Variants in MYO1G observed in about 807,000 individuals in gnomAD.
The protein encoded by MYO1G is unconventional myosin-Ig.
MYO1G carries 65 observed loss-of-function variants against 115.3 expected under a neutral mutation model. The ratio of observed to expected loss-of-function variants is 0.56; its 90% CI spans 0.46 to 0.69. MYO1G has a LOEUF of 0.69. Ranked by LOEUF, MYO1G falls within the 30% of genes least tolerant of loss-of-function variation. MYO1G has a pLI of 0.00. For missense variants in MYO1G, 1,204 were observed against 1,393.5 expected (o/e 0.86, Z 2.16); for synonymous variants, 510 against 552.6 (o/e 0.92, Z 1.08).
intron 5 of MYO1G, chr7:44,972,833 G>C (rs1794983577): frequency 6.5e-6 from 1 of 152,876 alleles, no homozygotes; most frequent in African/African-American, 2.4e-5. Context: ...GGAGCTCAGA[G>C]TCCATGGAGA....
Position 44,964,208 on chromosome 7 carries a change from C to T in MYO1G, c.2632-46G>A. ...CCCAGGCTGGTGCTGCCCTGTCACC[C>T]ACCAGGGCCCCAGGCTTCGGCAGTC... On this transcript the variant is annotated intron_variant, in intron 19 of 21. Coordinates refer to ENST00000258787, the MANE Select transcript of MYO1G (RefSeq NM_033054.3). The surrounding 1 kb of genome is among the most constrained non-coding windows in gnomAD (Gnocchi z 5.1). 1 of 1,510,012 alleles carries T rather than the reference C, an allele frequency of 6.6e-7. No homozygotes were observed. The highest frequency in any genetic ancestry group is 1.2e-5 in the South Asian group (1 of 84,638). The allele number at this position is 1,510,012 out of a possible 1,614,324, so 93.5% of individuals were successfully genotyped here.
At position 44,969,369 on chromosome 7, in the gene MYO1G, T is replaced by C. The variant is rs756388010; in HGVS notation, c.1574+44A>G. 2 of 1,598,564 alleles carry C rather than the reference T, an allele frequency of 1.3e-6. No individual in the cohort carries two copies. Among genetic ancestry groups the C allele is most frequent in the South Asian group, 2.2e-5 (2 of 90,796 alleles). On this transcript the variant is annotated intron_variant, in intron 12 of 21. Transcript: ENST00000258787. The surrounding 1 kb of genome is among the most constrained non-coding windows in gnomAD (Gnocchi z 5.0). ...TCCTGCCCCATGACACATGCCATGG[T>C]GCCTGTGGGAAAGCCAGGGATGTGG...
chr7:44,974,845 A>G (rs1795019021), intron 5 of MYO1G: 2 of 415,698 alleles, frequency 4.8e-6, no homozygotes. Flanking sequence ...CACTAGAGAC[A>G]CTGCCTGTAA....
In MYO1G at chr7:44,966,441, C is replaced by A; in HGVS notation, c.1950-161G>T. 1.2e-6 allele frequency: 1 copy of A among 817,190 alleles called. No individual in the cohort carries two copies. Among genetic ancestry groups the A allele is most frequent in the Non-Finnish European group, 2.0e-6 (1 of 490,100 alleles). 50.6% of individuals were successfully genotyped at this position (817,190 alleles called of 1,614,324 possible). A position where few individuals can be genotyped will look rare whatever the true frequency, so the allele number is the denominator to read the frequency against. On this transcript the variant is annotated intron_variant, in intron 15 of 21. Transcript: ENST00000258787. This position sits in a 1 kb window ranked among gnomAD's most constrained non-coding sequence, Gnocchi z 5.0. Reference sequence around the variant, plus strand: ...ATGTCTTCCCATACACATGTCCTCACATACATGTCCTCACACAGCCCTCAT... The same window carrying A: ...ATGTCTTCCCATACACATGTCCTCAAATACATGTCCTCACACAGCCCTCAT...
intron 7 of MYO1G, among the ~76,000 whole-genome samples, 183 bp from the exon 8 acceptor site, chr7:44,971,242 G>C (rs141012085): frequency 6.6e-6 from 1 of 152,316 alleles, no homozygotes; most frequent in Non-Finnish European, 1.5e-5. Context: ...GGGGAAGGGG[G>C]CATGGGCACA....
At position 44,976,834 on chromosome 7, in the gene MYO1G, G is replaced by A. The variant is rs934600619; in HGVS notation, c.304+29C>T. On this transcript the variant is annotated intron_variant, in intron 2 of 21. Transcript: ENST00000258787. ...AATGTTCACAAATGAAGATGCCGAG[G>A]GTGGGGGCCCGGCGGCAGGGACAGG... 1.9e-6 allele frequency: 3 copies of A among 1,610,936 alleles called. No homozygotes were observed. The African/African-American group carries it at 4.0e-5, about 21-fold the overall frequency.
intron 13 of MYO1G, 49 bp downstream of exon 13, chr7:44,967,835 G>A: frequency 6.2e-7 from 1 of 1,612,616 alleles, no homozygotes; most frequent in Non-Finnish European, 8.5e-7. Context: ...GAGTCTCTGG[G>A]GCCCCAGGGC....
chr7:44,966,876 A>C lies in MYO1G; in HGVS notation c.1783-38T>G. 6.4e-7 allele frequency: 1 copy of C among 1,566,220 alleles called. No homozygotes were observed. The highest frequency in any genetic ancestry group is 1.8e-5 in the Admixed American group (1 of 55,712). ...AGGGGACTTGGAGAGGGTCTGCGCCAGCAGCACTGTGCACCCTGCCCCACA... is the reference window on the plus strand; with the variant it reads ...AGGGGACTTGGAGAGGGTCTGCGCCCGCAGCACTGTGCACCCTGCCCCACA... On this transcript the variant is annotated intron_variant, in intron 14 of 21. Transcript: ENST00000258787. The surrounding 1 kb of genome is among the most constrained non-coding windows in gnomAD (Gnocchi z 5.0).
chr7:44,965,947 G>C, intron 16 of MYO1G, 87 bp from the exon 17 acceptor site: 1 of 1,537,306 alleles, frequency 6.5e-7, no homozygotes, highest in Non-Finnish European at 8.9e-7. Flanking sequence ...AGCATTTATT[G>C]AGCACTCCCT....
chr7:44,970,776 C>A (rs1390419014), intron 8 of MYO1G, 39 bp from the exon 9 acceptor site: 8 of 1,613,468 alleles, frequency 5.0e-6, no homozygotes, highest in Non-Finnish European at 6.8e-6. Context: ...CTGCCTCTGG[C>A]CTGGCCTCCC....
intron 17 of MYO1G, 93 bp from the exon 18 acceptor site, chr7:44,965,182 G>C: frequency 6.7e-7 from 1 of 1,502,116 alleles, no homozygotes. Context: ...CCCTCAGCCT[G>C]GTGCTGCCTG....
At chr7:44,976,417 T>G in intron 3 of MYO1G, 147 bp downstream of exon 3, 1 of 740,436 alleles carries the variant, frequency 1.4e-6, no homozygotes, top group Non-Finnish European at 2.3e-6. Context: ...TGTGTTGGCA[T>G]TATCTGGAAA....
chr7:44,978,742 G>T, intron 1 of MYO1G, 125 bp downstream of exon 1: 1 of 821,520 alleles, frequency 1.2e-6, no homozygotes, highest in South Asian at 1.6e-5. Context: ...TGGTCTGGGT[G>T]GGTGTGTGCC....
rs763941323 is a variant in MYO1G at position 44,967,721 on chromosome 7, G to A, written c.1666C>T (p.Arg556Trp). 10 of 1,613,434 alleles carry A rather than the reference G, an allele frequency of 6.2e-6. No individual in the cohort carries two copies. The highest frequency in any genetic ancestry group is 1.1e-5 in the South Asian group (1 of 91,094). The part of the protein sequence containing the change: ...LLYNSTDPTL[R>W]AMWPDGQQDI... ...TGCTGCCCGTCCGGCCACATGGCCC[G>A]TAGAGTGGGGTCCGTGCTGCAGACA... Residue 556 changes from arginine to tryptophan, a missense_variant, in exon 14 of 22, where the codon CGG becomes TGG. Physicochemically the swap from Arg to Trp is moderately radical, Grantham distance 101. Coordinates refer to ENST00000258787, the MANE Select transcript of MYO1G (RefSeq NM_033054.3).
chr7:44,969,556 C>T lies in MYO1G; in HGVS notation c.1504-73G>A. 6.3e-7 allele frequency: 1 copy of T among 1,586,014 alleles called. No individual in the cohort carries two copies. Among genetic ancestry groups the T allele is most frequent in the African/African-American group, 1.3e-5 (1 of 74,490 alleles). On this transcript the variant is annotated intron_variant, in intron 11 of 21. Coordinates refer to ENST00000258787, the MANE Select transcript of MYO1G (RefSeq NM_033054.3). The surrounding 1 kb of genome is among the most constrained non-coding windows in gnomAD (Gnocchi z 5.0). Reference sequence around the variant, plus strand: ...TGTATGAAGGGATAGCCCTGCCTCCCCACCTCCAGGGCAGAGAAGGTTGCC... The same window carrying T: ...TGTATGAAGGGATAGCCCTGCCTCCTCACCTCCAGGGCAGAGAAGGTTGCC...
At chr7:44,970,179 A>G (rs997752138) in intron 9 of MYO1G, 25 bp from the exon 10 acceptor site, 2 of 1,492,670 alleles carry the variant, frequency 1.3e-6, no homozygotes, top group African/African-American at 1.4e-5. Context: ...GGCCTTTCAG[A>G]GGGGAGGTCG....
At position 44,964,291 on chromosome 7, in the gene MYO1G, C is replaced by A; in HGVS notation, c.2631+124G>T. On this transcript the variant is annotated intron_variant, in intron 19 of 21. Transcript: ENST00000258787. The surrounding 1 kb of genome is among the most constrained non-coding windows in gnomAD (Gnocchi z 5.1). ...TTGGGAGTGTCAGGAGCAGCTGGGC[C>A]TGGGCTGGGGTTGCCTCCATTTTCT... is the stretch of plus-strand genomic sequence containing the variant. 7.7e-7 allele frequency: 1 copy of A among 1,300,298 alleles called. No homozygotes were observed. The highest frequency in any genetic ancestry group is 1.1e-6 in the Non-Finnish European group (1 of 909,178). The allele number at this position is 1,300,298 out of a possible 1,614,324, so 80.5% of individuals were successfully genotyped here.
At position 44,972,142 on chromosome 7, in the gene MYO1G, T is replaced by C. The variant is rs1481066289; in HGVS notation, c.702A>G (p.Gly234=). The change falls in exon 6 of 22, where the codon GGA becomes GGG. Residue 234 remains glycine, a synonymous_variant. Transcript: ENST00000258787. ...NPAVYNFTHQ[G]AGLNMTVHSA... ...TGTGCACAGTCATGTTGAGTCCTGC[T>C]CCCTGGTGTGTGAAATTGTATACAG... The C allele has an allele frequency of 1.9e-6, 3 of 1,613,936 alleles. No homozygotes were observed. Among genetic ancestry groups the C allele is most frequent in the Admixed American group, 3.3e-5 (2 of 60,002 alleles).
In MYO1G at chr7:44,966,490, C is replaced by T. The variant is rs1382779426; in HGVS notation, c.1949+182G>A. The T allele has an allele frequency of 1.2e-6, 1 of 852,826 alleles. No homozygotes were observed. The highest frequency in any genetic ancestry group is 2.6e-5 in the East Asian group (1 of 37,936). The allele number at this position is 852,826 out of a possible 1,614,324, so 52.8% of individuals were successfully genotyped here. A position where few individuals can be genotyped will look rare whatever the true frequency, so the allele number is the denominator to read the frequency against. On this transcript the variant is annotated intron_variant, in intron 15 of 21. Transcript: ENST00000258787. The surrounding 1 kb of genome is among the most constrained non-coding windows in gnomAD (Gnocchi z 5.0). ...ATACCCATGTTCCCACCTGTATGTC[C>T]CCACATGCATGTGCTCACACACATG...
Sources: allele counts gnomAD v4.1 joint callset (sites outside exome capture counted in the v4.1 genomes callset), GRCh38; gene constraint gnomAD v4.1.1; non-coding constraint Gnocchi (gnomAD v3.1); transcripts MANE v1.5; gene names NCBI Gene and HGNC (gene_info 2026-07-23, HGNC 2026-07-21).